Variants in LGR5 observed in about 807,000 individuals in gnomAD.
The protein encoded by LGR5 is leucine rich repeat containing G protein-coupled receptor 5.
Under a neutral mutation model 76.7 loss-of-function variants are expected in LGR5, and 54 were observed. The ratio of observed to expected loss-of-function variants is 0.70; its 90% CI spans 0.57 to 0.88. LGR5 has a LOEUF of 0.88. Ranked by LOEUF, LGR5 falls within the 40% of genes least tolerant of loss-of-function variation. LGR5 has a pLI of 0.00. For missense variants in LGR5, 1,078 were observed against 1,073.3 expected (o/e 1.00, Z -0.06); for synonymous variants, 406 against 421.9 (o/e 0.96, Z 0.46).
At chr12:71,534,255 T>A (rs1336104648) in intron 3 of LGR5, among the ~76,000 whole-genome samples, 1 of 152,252 alleles carries the variant, frequency 6.6e-6, no homozygotes, top group African/African-American at 2.4e-5. Flanking sequence ...GGAATTTGTT[T>A]CCATGCTATT....
At chr12:71,506,710 C>G (rs2137307935) in intron 2 of LGR5, among the ~76,000 whole-genome samples, 1 of 152,266 alleles carries the variant, frequency 6.6e-6, no homozygotes, top group Middle Eastern at 3.4e-3. Context: ...GGCTGACTTG[C>G]TGAATTTAAA....
At chr12:71,536,236 C>T (rs115816849) in intron 4 of LGR5, among the ~76,000 whole-genome samples, 191 of 152,274 alleles carry the variant, frequency 1.3e-3, no homozygotes, top group African/African-American at 4.3e-3. Flanking sequence ...AAGAATCCTT[C>T]GGTTAATAAT....
At chr12:71,526,426 C>A (rs921427174) in intron 3 of LGR5, among the ~76,000 whole-genome samples, 2 of 149,370 alleles carry the variant, frequency 1.3e-5, no homozygotes, top group African/African-American at 4.9e-5. Flanking sequence ...TAAAATGTAC[C>A]CTTTCCATCA....
At position 71,440,579 on chromosome 12, in the gene LGR5, G is replaced by A. The variant is rs1346152285; in HGVS notation, c.212+287G>A. Among the ~76,000 whole-genome samples, 2 of 152,202 alleles carry A rather than the reference G, an allele frequency of 1.3e-5. No individual in the cohort carries two copies. The highest frequency in any genetic ancestry group is 1.5e-5 in the Non-Finnish European group (1 of 68,032). On this transcript the variant is annotated intron_variant, in intron 1 of 17. Transcript: ENST00000266674. The surrounding 1 kb of genome is among the most constrained non-coding windows in gnomAD (Gnocchi z 5.3). ...TCCAGCGCTAGAAACATCGCAGGGC[G>A]AATTCCTGCAAATGCAGGCATTTGC...
chr12:71,440,389 G>C lies in LGR5; in HGVS notation c.212+97G>C, dbSNP rs1024162108. 8.4e-7 allele frequency: 1 copy of C among 1,196,258 alleles called. No homozygotes were observed. Among genetic ancestry groups the C allele is most frequent in the Non-Finnish European group, 1.2e-6 (1 of 830,734 alleles). The allele number at this position is 1,196,258 out of a possible 1,614,324, so 74.1% of individuals were successfully genotyped here. On this transcript the variant is annotated intron_variant, in intron 1 of 17. Coordinates refer to ENST00000266674, the MANE Select transcript of LGR5 (RefSeq NM_003667.4). The surrounding 1 kb of genome is among the most constrained non-coding windows in gnomAD (Gnocchi z 5.3). ...GAGGCTCCTCGGCGCCCGCCTGCTC[G>C]TGGGGGAGGGGGGCGAGTTTGTCAA...
At chr12:71,580,001 T>A (rs1879023284) in intron 15 of LGR5, among the ~76,000 whole-genome samples, 1 of 152,224 alleles carries the variant, frequency 6.6e-6, no homozygotes, top group Admixed American at 6.5e-5. Flanking sequence ...GCAGCCTTTT[T>A]TTTAACCTTT....
At chr12:71,455,777 A>T (rs1406513406) in intron 1 of LGR5, among the ~76,000 whole-genome samples, 1 of 152,190 alleles carries the variant, frequency 6.6e-6, no homozygotes, top group African/African-American at 2.4e-5. Context: ...TGTTGTTTGG[A>T]TGTATGATAC....
chr12:71,508,953 T>C (rs1215851964), intron 2 of LGR5, among the ~76,000 whole-genome samples: 1 of 152,064 alleles, frequency 6.6e-6, no homozygotes, highest in Non-Finnish European at 1.5e-5. Flanking sequence ...TTTTGCTTTG[T>C]TTTGTTTTGT....
At chr12:71,538,851 G>A (rs538162537) in intron 4 of LGR5, among the ~76,000 whole-genome samples, 6 of 151,952 alleles carry the variant, frequency 3.9e-5, no homozygotes, top group Admixed American at 6.6e-5. Flanking sequence ...GAGCAAGACC[G>A]TGTCTCTGAA....
At chr12:71,462,016 T>C (rs1565660617) in intron 1 of LGR5, among the ~76,000 whole-genome samples, 1 of 152,188 alleles carries the variant, frequency 6.6e-6, no homozygotes, top group East Asian at 1.9e-4. Flanking sequence ...ATAGACCCTG[T>C]TATCTGTGCT....
At chr12:71,466,718 A>G (rs576501640) in intron 1 of LGR5, among the ~76,000 whole-genome samples, 8 of 152,184 alleles carry the variant, frequency 5.3e-5, no homozygotes, top group African/African-American at 1.9e-4. Flanking sequence ...GGAAAATTAT[A>G]AAGAATTGAA....
intron 1 of LGR5, among the ~76,000 whole-genome samples, chr12:71,472,797 A>G (rs761512827): frequency 1.1e-4 from 17 of 152,342 alleles, no homozygotes; most frequent in Non-Finnish European, 2.5e-4. Context: ...GCTAAACAAG[A>G]GCTTCTAACA....
chr12:71,488,461 C>T (rs1265490366), intron 1 of LGR5, among the ~76,000 whole-genome samples: 1 of 152,132 alleles, frequency 6.6e-6, no homozygotes. Flanking sequence ...CAATGAGGCT[C>T]AAGGGCAGTT....
At chr12:71,556,532 A>G (rs1037378918) in intron 5 of LGR5, 87 bp from the exon 6 acceptor site, 22 of 889,644 alleles carry the variant, frequency 2.5e-5, no homozygotes, top group Non-Finnish European at 4.0e-5. Context: ...ATTCTTCAGT[A>G]TATGTTTCTT....
intron 2 of LGR5, among the ~76,000 whole-genome samples, chr12:71,509,723 G>T (rs1476925836): frequency 6.6e-6 from 1 of 152,112 alleles, no homozygotes; most frequent in Non-Finnish European, 1.5e-5. Context: ...ATTTAAAATT[G>T]TCCAAGTTAA....
chr12:71,577,423 A>G (rs1565776618), intron 13 of LGR5, among the ~76,000 whole-genome samples: 2 of 152,206 alleles, frequency 1.3e-5, no homozygotes, highest in Non-Finnish European at 2.9e-5. Context: ...CCTGGCTAAT[A>G]ATTTACTTGT....
chr12:71,582,795 T>C (rs904678549), intron 17 of LGR5, among the ~76,000 whole-genome samples: 2 of 152,174 alleles, frequency 1.3e-5, no homozygotes, highest in African/African-American at 4.8e-5. Flanking sequence ...GTTAGAGGCA[T>C]ATGTAATTTT....
chr12:71,564,661 GTACACACACTGTATATATACATATATA>G (rs1341348668), intron 8 of LGR5, among the ~76,000 whole-genome samples: 10 of 137,836 alleles, frequency 7.3e-5, no homozygotes, highest in Non-Finnish European at 1.6e-4. Context: ...ATACATATAT[GTACACACACTGTATATATACATATATA>G]CATATATGTA....
intron 4 of LGR5, among the ~76,000 whole-genome samples, chr12:71,548,703 G>A (rs979998173): frequency 1.3e-5 from 2 of 152,098 alleles, no homozygotes; most frequent in Admixed American, 1.3e-4. Context: ...TTTTACAGAT[G>A]TGAAAGCTGA....
Sources: allele counts gnomAD v4.1 joint callset (sites outside exome capture counted in the v4.1 genomes callset), GRCh38; gene constraint gnomAD v4.1.1; non-coding constraint Gnocchi (gnomAD v3.1); transcripts MANE v1.5; gene names NCBI Gene and HGNC (gene_info 2026-07-23, HGNC 2026-07-21).